The following ME1 variants were observed in gnomAD, a reference collection of about 807,000 sequenced individuals.
The protein encoded by ME1 is malic enzyme 1.
Under a neutral mutation model 66.4 loss-of-function variants are expected in ME1, and 74 were observed. That is an observed-to-expected ratio of 1.11 (90% CI 0.92 to 1.35). The LOEUF is 1.35. Ranked by LOEUF, ME1 falls within the 40% of genes most tolerant of loss-of-function variation. The pLI, the probability that ME1 is intolerant of heterozygous loss-of-function variation, is 0.00. For missense variants in ME1, 750 were observed against 694.1 expected, an observed-to-expected ratio of 1.08 and a Z score of -0.90; for synonymous variants, 251 against 235.6, an observed-to-expected ratio of 1.07 and a Z score of -0.60.
At chr6:83,281,737 C>T (rs1767292015) in intron 6 of ME1, among the ~76,000 whole-genome samples, 1 of 119,670 alleles carries the variant, frequency 8.4e-6, no homozygotes, top group South Asian at 2.8e-4. Context: ...ACCTGGGAAA[C>T]AGAAGTTGCA....
intron 5 of ME1, among the ~76,000 whole-genome samples, chr6:83,339,676 T>C (rs1380402696): frequency 3.6e-5 from 1 of 27,978 alleles, no homozygotes; most frequent in East Asian, 9.1e-4. Context: ...TGTAGGGACA[T>C]GGATGAAATT....
At chr6:83,297,618 T>C (rs191115519) in intron 6 of ME1, among the ~76,000 whole-genome samples, 22 of 152,012 alleles carry the variant, frequency 1.4e-4, no homozygotes, top group Non-Finnish European at 2.6e-4. Context: ...CCAGGATACA[T>C]GTGAGGGATG....
At chr6:83,292,248 T>C (rs1319101194) in intron 6 of ME1, among the ~76,000 whole-genome samples, 1 of 152,196 alleles carries the variant, frequency 6.6e-6, no homozygotes. Context: ...CTACACATCT[T>C]TGTGGTTTTA....
At chr6:83,404,454 T>C (rs1456894220) in intron 2 of ME1, among the ~76,000 whole-genome samples, 2 of 152,336 alleles carry the variant, frequency 1.3e-5, no homozygotes, top group East Asian at 3.9e-4. Flanking sequence ...ATAGGGTGCC[T>C]GTTCACTCCG....
At chr6:83,401,902 G>C (rs1769847757) in intron 2 of ME1, among the ~76,000 whole-genome samples, 1 of 152,150 alleles carries the variant, frequency 6.6e-6, no homozygotes, top group South Asian at 2.1e-4. Context: ...TTATGGGAAG[G>C]ACAACTTTTT....
At chr6:83,219,962 G>T (rs947697402) in intron 12 of ME1, among the ~76,000 whole-genome samples, 2 of 152,106 alleles carry the variant, frequency 1.3e-5, no homozygotes, top group Admixed American at 6.6e-5. Context: ...TCTGGTGTCA[G>T]ATCTGGCTCT....
chr6:83,405,440 T>C (rs1769920506), intron 2 of ME1, among the ~76,000 whole-genome samples: 1 of 152,208 alleles, frequency 6.6e-6, no homozygotes, highest in Non-Finnish European at 1.5e-5. Flanking sequence ...TATAAAATCA[T>C]GTCATCTGCA....
chr6:83,366,864 C>T (rs1213088453), intron 3 of ME1, among the ~76,000 whole-genome samples: 2 of 152,168 alleles, frequency 1.3e-5, no homozygotes, highest in Non-Finnish European at 2.9e-5. Context: ...CTGATCTCCT[C>T]CCATGAATCA....
chr6:83,276,112 T>C (rs1767178412), intron 6 of ME1, among the ~76,000 whole-genome samples: 1 of 152,090 alleles, frequency 6.6e-6, no homozygotes, highest in Non-Finnish European at 1.5e-5. Flanking sequence ...AGAAAGTCAC[T>C]TACGGTTGAA....
intron 1 of ME1, among the ~76,000 whole-genome samples, chr6:83,418,175 G>A (rs1456197281): frequency 3.3e-5 from 5 of 152,096 alleles, no homozygotes; most frequent in Non-Finnish European, 7.4e-5. Flanking sequence ...TCGCTGTATT[G>A]GTCAGTTTTC....
intron 6 of ME1, among the ~76,000 whole-genome samples, chr6:83,255,817 C>T (rs188722476): frequency 6.6e-6 from 1 of 152,068 alleles, no homozygotes. Context: ...CACACTTACT[C>T]TTCACAACCA....
intron 6 of ME1, among the ~76,000 whole-genome samples, chr6:83,308,361 G>A (rs1489625549): frequency 6.6e-6 from 1 of 151,530 alleles, no homozygotes; most frequent in Non-Finnish European, 1.5e-5. Context: ...TTGAGGTAAA[G>A]CTTTTGTTCT....
At chr6:83,284,168 T>C (rs1767356065) in intron 6 of ME1, among the ~76,000 whole-genome samples, 1 of 151,914 alleles carries the variant, frequency 6.6e-6, no homozygotes, top group Admixed American at 6.6e-5. Context: ...ACACACAACT[T>C]CCCAAGATTG....
intron 5 of ME1, among the ~76,000 whole-genome samples, chr6:83,345,076 C>A (rs1768662736): frequency 6.6e-6 from 1 of 152,088 alleles, no homozygotes; most frequent in African/African-American, 2.4e-5. Context: ...TGGCTCACTG[C>A]ATCCTGAATC....
At chr6:83,321,883 G>C (rs1348621080) in intron 5 of ME1, among the ~76,000 whole-genome samples, 5 of 152,192 alleles carry the variant, frequency 3.3e-5, no homozygotes, top group South Asian at 2.1e-4. Flanking sequence ...AGGGTCAACA[G>C]ACACCTCATA....
At chr6:83,309,866 A>T (rs1336714081) in intron 6 of ME1, among the ~76,000 whole-genome samples, 3 of 152,104 alleles carry the variant, frequency 2.0e-5, no homozygotes, top group African/African-American at 7.2e-5. Flanking sequence ...GGAGGAAAGC[A>T]AGGGGAGTGT....
At chr6:83,361,879 C>A (rs1052640768) in intron 3 of ME1, among the ~76,000 whole-genome samples, 2 of 152,154 alleles carry the variant, frequency 1.3e-5, no homozygotes, top group African/African-American at 4.8e-5. Flanking sequence ...CCTGAAGGCA[C>A]AAGTAAGTTA....
At chr6:83,364,741 T>TATCTATCTATCTATCTGTC (rs1554270826) in intron 3 of ME1, among the ~76,000 whole-genome samples, 2 of 130,176 alleles carry the variant, frequency 1.5e-5, no homozygotes, top group African/African-American at 7.2e-5. Flanking sequence ...ATCTGTCATC[T>TATCTATCTATCTATCTGTC]ATCTATCTAT....
At chr6:83,395,096 G>GTT (rs535132622) in intron 3 of ME1, among the ~76,000 whole-genome samples, 186 of 145,998 alleles carry the variant, frequency 1.3e-3, no homozygotes, top group African/African-American at 4.5e-3. Context: ...TGTTTTTTTG[G>GTT]TTTTTTTTTT....
Sources: gnomAD v4.1 joint callset for allele counts (sites outside exome capture counted in the v4.1 genomes callset) on GRCh38, gnomAD v4.1.1 for gene constraint, MANE v1.5 for transcripts, NCBI Gene and HGNC (gene_info 2026-07-23, HGNC 2026-07-21) for gene names.